Variants in SV2B observed in about 807,000 individuals in gnomAD.
SV2B encodes solute carrier family 22 member B2.
Under a neutral mutation model 73.9 loss-of-function variants are expected in SV2B, and 41 were observed. That is an observed-to-expected ratio of 0.56 (90% CI 0.43 to 0.72). SV2B has a LOEUF of 0.72. Among genes scored for constraint, SV2B ranks in the 30% least tolerant of loss-of-function variants. The pLI, the probability that SV2B is intolerant of heterozygous loss-of-function variation, is 0.00. For synonymous variants in SV2B, 314 were observed against 314.2 expected (o/e 1.00, Z 0.01); for missense variants, 764 against 857.8 (o/e 0.89, Z 1.37).
At chr15:91,160,778 T>G (rs2043686585) in intron 1 of SV2B, among the ~76,000 whole-genome samples, 1 of 152,188 alleles carries the variant, frequency 6.6e-6, no homozygotes, top group African/African-American at 2.4e-5. Flanking sequence ...GTTACTGTTA[T>G]TCATTAAATA....
At position 91,137,305 on chromosome 15, in the gene SV2B, A is replaced by G. The variant is rs1019120377; in HGVS notation, c.-392+36942A>G. 6.6e-6 allele frequency among the ~76,000 whole-genome samples: 1 copy of G among 152,018 alleles called. No homozygotes were observed. The highest frequency in any genetic ancestry group is 2.4e-5 in the African/African-American group (1 of 41,384). On this transcript the variant is annotated intron_variant, in intron 1 of 12. Transcript: ENST00000394232. This position sits in a 1 kb window ranked among gnomAD's most constrained non-coding sequence, Gnocchi z 4.9. Reference sequence around the variant, plus strand: ...GCCACCCTCATATTAGAGTCTACCCACCTCCATTGTTTTAAAAATTGTGTG... The same window carrying G: ...GCCACCCTCATATTAGAGTCTACCCGCCTCCATTGTTTTAAAAATTGTGTG...
chr15:91,272,988 A>G (rs59009172), intron 9 of SV2B, among the ~76,000 whole-genome samples: 12,946 of 151,866 alleles, frequency 0.085, 630 homozygotes, highest in Non-Finnish European at 0.11. Context: ...GCGTGCCACC[A>G]TGCCCGGCTA....
chr15:91,173,101 C>T (rs934170835), intron 1 of SV2B, among the ~76,000 whole-genome samples: 20 of 152,032 alleles, frequency 1.3e-4, no homozygotes, highest in African/African-American at 4.8e-4. Flanking sequence ...GAGGAGTGGG[C>T]CTCTGTGAGG....
At chr15:91,190,343 T>C (rs978376307) in intron 1 of SV2B, among the ~76,000 whole-genome samples, 1 of 152,018 alleles carries the variant, frequency 6.6e-6, no homozygotes, top group Non-Finnish European at 1.5e-5. Flanking sequence ...TCTTTTTTTT[T>C]CCTTTATTTC....
chr15:91,191,646 A>G (rs11853445), intron 1 of SV2B, among the ~76,000 whole-genome samples: 45,500 of 152,016 alleles, frequency 0.3, 7,402 homozygotes, highest in African/African-American at 0.4. Context: ...CGGTAGCTCA[A>G]ATACAATTTA....
At chr15:91,264,821 C>T (rs1322090104) in intron 6 of SV2B, among the ~76,000 whole-genome samples, 2 of 152,000 alleles carry the variant, frequency 1.3e-5, no homozygotes, top group Admixed American at 6.5e-5. Flanking sequence ...AATCAATGTG[C>T]GGAGAGTTAC....
At chr15:91,193,979 TCAC>T (rs1396940836) in intron 1 of SV2B, among the ~76,000 whole-genome samples, 2 of 152,098 alleles carry the variant, frequency 1.3e-5, no homozygotes, top group African/African-American at 2.4e-5. Context: ...TGCTAGGTAA[TCAC>T]CAGGGTATAG....
At chr15:91,222,708 G>A (rs2046257726) in intron 1 of SV2B, among the ~76,000 whole-genome samples, 1 of 152,170 alleles carries the variant, frequency 6.6e-6, no homozygotes, top group African/African-American at 2.4e-5. Flanking sequence ...TCAAAGCCAA[G>A]CCCTGATATT....
rs2046774191 is a variant in SV2B at position 91,236,194 on chromosome 15, A to G, written c.451+9480A>G. ...AATGTCACCTTCAAAGACTTTAATG[A>G]GTTGTTTTTCCTCCACAGTTAAGTG... On this transcript the variant is annotated intron_variant, in intron 2 of 12. Coordinates refer to ENST00000394232, the MANE Select transcript of SV2B (RefSeq NM_001323032.3). This position sits in a 1 kb window ranked among gnomAD's most constrained non-coding sequence, Gnocchi z 4.1. Among the ~76,000 whole-genome samples the G allele has an allele frequency of 6.6e-6, 1 of 152,236 alleles. No homozygotes were observed. The highest frequency in any genetic ancestry group is 2.4e-5 in the African/African-American group (1 of 41,464).
intron 1 of SV2B, among the ~76,000 whole-genome samples, chr15:91,221,925 T>C (rs578125341): frequency 1.3e-5 from 2 of 152,282 alleles, no homozygotes; most frequent in African/African-American, 4.8e-5. Flanking sequence ...AGACTTGACT[T>C]CTGTTTCCTT....
In SV2B at chr15:91,141,714, T is replaced by C. The variant is rs554902644; in HGVS notation, c.-392+41351T>C. On this transcript the variant is annotated intron_variant, in intron 1 of 12. Coordinates refer to ENST00000394232, the MANE Select transcript of SV2B (RefSeq NM_001323032.3). This position sits in a 1 kb window ranked among gnomAD's most constrained non-coding sequence, Gnocchi z 4.6. ...TTTTTTTCCTAAGGGTTCAAGCCAATAGAGTTGCCAAATAGTTTGGGTTTT... is the reference window on the plus strand; with the variant it reads ...TTTTTTTCCTAAGGGTTCAAGCCAACAGAGTTGCCAAATAGTTTGGGTTTT... Among the ~76,000 whole-genome samples the C allele has an allele frequency of 6.6e-6, 1 of 151,558 alleles. No homozygotes were observed. The highest frequency in any genetic ancestry group is 2.4e-5 in the African/African-American group (1 of 41,328).
Position 91,227,643 on chromosome 15 carries a change from C to T in SV2B, c.451+929C>T, listed in dbSNP as rs2046427826. Among the ~76,000 whole-genome samples the T allele has an allele frequency of 1.3e-5, 2 of 152,224 alleles. No homozygotes were observed. The highest frequency in any genetic ancestry group is 4.1e-4 in the South Asian group (2 of 4,836). On this transcript the variant is annotated intron_variant, in intron 2 of 12. Coordinates refer to ENST00000394232, the MANE Select transcript of SV2B (RefSeq NM_001323032.3). This position sits in a 1 kb window ranked among gnomAD's most constrained non-coding sequence, Gnocchi z 4.5. ...AATCTATCTAGCAATTCAGCTCCTT[C>T]ATTCAACAAATATCTTTTATTGGTT...
chr15:91,157,995 G>A (rs1197117546), intron 1 of SV2B, among the ~76,000 whole-genome samples: 1 of 152,162 alleles, frequency 6.6e-6, no homozygotes, highest in Non-Finnish European at 1.5e-5. Context: ...AGGGGATTTG[G>A]TTGAGTCCCC....
rs967018566 is a variant in SV2B at position 91,239,437 on chromosome 15, T to C, written c.452-12382T>C. Reference sequence around the variant, plus strand: ...CATGAATTACAAAGTTATAGTACCATCTAATATTAGAAATGAAAGAAAGGA... The same window carrying C: ...CATGAATTACAAAGTTATAGTACCACCTAATATTAGAAATGAAAGAAAGGA... On this transcript the variant is annotated intron_variant, in intron 2 of 12. Coordinates refer to ENST00000394232, the MANE Select transcript of SV2B (RefSeq NM_001323032.3). The surrounding 1 kb of genome is among the most constrained non-coding windows in gnomAD (Gnocchi z 5.1). 1.3e-5 allele frequency among the ~76,000 whole-genome samples: 2 copies of C among 151,984 alleles called. No homozygotes were observed. The highest frequency in any genetic ancestry group is 4.8e-5 in the African/African-American group (2 of 41,378).
chr15:91,165,020 G>C (rs1310334711), intron 1 of SV2B, among the ~76,000 whole-genome samples: 1 of 152,164 alleles, frequency 6.6e-6, no homozygotes, highest in African/African-American at 2.4e-5. Flanking sequence ...TGCATCTGTG[G>C]ATTCAAGCAA....
Position 91,128,591 on chromosome 15 carries a change from A to G in SV2B, c.-392+28228A>G, listed in dbSNP as rs1370359721. 1 of 152,228 alleles carries G rather than the reference A, an allele frequency of 6.6e-6. No homozygotes were observed. The highest frequency in any genetic ancestry group is 1.5e-5 in the Non-Finnish European group (1 of 68,068). 9.4% of individuals were successfully genotyped at this position (152,228 alleles called of 1,614,324 possible). A position where few individuals can be genotyped will look rare whatever the true frequency, so the allele number is the denominator to read the frequency against. On this transcript the variant is annotated intron_variant, in intron 1 of 12. Transcript: ENST00000394232. This position sits in a 1 kb window ranked among gnomAD's most constrained non-coding sequence, Gnocchi z 4.2. ...CTAGAATCCTTCTTTCCCAGGGCAG[A>G]TCATAGAAACCAGAATACTTTTTCC...
intron 1 of SV2B, among the ~76,000 whole-genome samples, chr15:91,174,811 T>C (rs1400090225): frequency 6.6e-6 from 1 of 152,220 alleles, no homozygotes; most frequent in African/African-American, 2.4e-5. Flanking sequence ...GCATTGAGCC[T>C]TCTGAGCCTG....
rs547958088 is a variant in SV2B, at chr15:91,100,398, A to T, written c.-392+35A>T. On this transcript the variant is annotated intron_variant, in intron 1 of 12. Coordinates refer to ENST00000394232, the MANE Select transcript of SV2B (RefSeq NM_001323032.3). This position sits in a 1 kb window ranked among gnomAD's most constrained non-coding sequence, Gnocchi z 6.4. Reference sequence around the variant, plus strand: ...TGCGTTGCTCGCTGCGGTGCAACCGACCCAGCCGGGGCGCGGACCCCGCGT... The same window carrying T: ...TGCGTTGCTCGCTGCGGTGCAACCGTCCCAGCCGGGGCGCGGACCCCGCGT... 1 of 152,414 alleles carries T rather than the reference A, an allele frequency of 6.6e-6. No homozygotes were observed. Among genetic ancestry groups the T allele is most frequent in the Non-Finnish European group, 1.5e-5 (1 of 68,110 alleles). The allele number at this position is 152,414 out of a possible 1,614,324, so 9.4% of individuals were successfully genotyped here. A position where few individuals can be genotyped will look rare whatever the true frequency, so the allele number is the denominator to read the frequency against.
intron 1 of SV2B, among the ~76,000 whole-genome samples, chr15:91,204,556 C>CTTTTTTTTTTTTTTTTTT: frequency 7.8e-6 from 1 of 127,822 alleles, no homozygotes; most frequent in Non-Finnish European, 1.7e-5. Flanking sequence ...TCTTCTTCTT[C>CTTTTTTTTTTTTTTTTTT]TTTTTTTTTT....
Sources: gnomAD v4.1 joint callset for allele counts (sites outside exome capture counted in the v4.1 genomes callset) on GRCh38, gnomAD v4.1.1 for gene constraint, Gnocchi (gnomAD v3.1) non-coding constraint, MANE v1.5 for transcripts, NCBI Gene and HGNC (gene_info 2026-07-23, HGNC 2026-07-21) for gene names.